Variants in KIN observed in about 807,000 individuals in gnomAD.
The protein encoded by KIN is DNA/RNA-binding protein KIN17.
KIN carries 47 observed loss-of-function variants against 63.0 expected under a neutral mutation model. The ratio of observed to expected loss-of-function variants is 0.75; its 90% CI spans 0.59 to 0.95. The LOEUF is 0.95. Ranked by LOEUF, KIN falls within the 40% of genes least tolerant of loss-of-function variation. The pLI, the probability that KIN is intolerant of heterozygous loss-of-function variation, is 0.00. For missense variants in KIN, 408 were observed against 460.9 expected (o/e 0.89, Z 1.05); for synonymous variants, 160 against 157.7 (o/e 1.01, Z -0.11).
intron 6 of KIN, 50 bp downstream of exon 6, chr10:7,775,701 A>C (rs776926028): frequency 2.1e-5 from 21 of 986,788 alleles, no homozygotes; most frequent in Non-Finnish European, 3.0e-5. Context: ...AACAAAGCCA[A>C]TATAAAAGCA....
In KIN at chr10:7,752,087, T is replaced by G. The variant is rs1440497570; in HGVS notation, c.*3993A>C. The G allele has an allele frequency of 6.9e-6, 1 of 144,600 alleles. No homozygotes were observed. The highest frequency in any genetic ancestry group is 2.5e-5 in the African/African-American group (1 of 39,288). The allele number at this position is 144,600 out of a possible 1,614,324, so 9.0% of individuals were successfully genotyped here. A position where few individuals can be genotyped will look rare whatever the true frequency, so the allele number is the denominator to read the frequency against. ...AAAAAAAAAAAAAAAAAAGTAACGA[T>G]GAAAATCTTGGGGTGTTAAAAAAGA... is the stretch of plus-strand genomic sequence containing the variant. On this transcript the variant is annotated 3_prime_UTR_variant, in exon 13 of 13. Coordinates refer to ENST00000379562, the MANE Select transcript of KIN (RefSeq NM_012311.4).
At chr10:7,787,125 T>C (rs1304526820) in intron 1 of KIN, among the ~76,000 whole-genome samples, 1 of 152,212 alleles carries the variant, frequency 6.6e-6, no homozygotes, top group Non-Finnish European at 1.5e-5. Context: ...CTTGAGCCAC[T>C]CTATATATAC....
chr10:7,760,666 T>C (rs1335539183), intron 11 of KIN, among the ~76,000 whole-genome samples: 1 of 148,630 alleles, frequency 6.7e-6, no homozygotes, highest in Non-Finnish European at 1.5e-5. Context: ...TATCATACTA[T>C]ATTATTATAA....
intron 12 of KIN, among the ~76,000 whole-genome samples, chr10:7,758,491 G>A (rs1835375458): frequency 6.6e-6 from 1 of 152,186 alleles, no homozygotes; most frequent in African/African-American, 2.4e-5. Flanking sequence ...CTACAGTGCA[G>A]AAGGTGAGAA....
intron 4 of KIN, 104 bp downstream of exon 4, chr10:7,779,952 C>CA (rs1232412064): frequency 8.2e-7 from 1 of 1,223,336 alleles, no homozygotes; most frequent in African/African-American, 1.5e-5. Flanking sequence ...GATGAAAAAG[C>CA]AAAACACTGA....
chr10:7,779,111 AAC>A, intron 4 of KIN, 92 bp from the exon 5 acceptor site: 2 of 1,456,580 alleles, frequency 1.4e-6, no homozygotes, highest in South Asian at 2.5e-5. Flanking sequence ...TATTCATTCA[AAC>A]ACACACAAAT....
At chr10:7,783,407 T>C (rs932647260) in intron 1 of KIN, among the ~76,000 whole-genome samples, 1 of 151,968 alleles carries the variant, frequency 6.6e-6, no homozygotes, top group Non-Finnish European at 1.5e-5. Flanking sequence ...AGCAAAAGAG[T>C]GTTGTAGAAA....
Position 7,755,926 on chromosome 10 carries a change from A to G in KIN, c.*154T>C, listed in dbSNP as rs1835323690. 1 of 441,198 alleles carries G rather than the reference A, an allele frequency of 2.3e-6. No homozygotes were observed. Among genetic ancestry groups the G allele is most frequent in the Non-Finnish European group, 3.9e-6 (1 of 256,992 alleles). 27.3% of individuals were successfully genotyped at this position (441,198 alleles called of 1,614,324 possible). ...CATGAGACATAATTAAATTCTTCTC[A>G]AAGTTTAGCTGAACAACTATACAGT... On this transcript the variant is annotated 3_prime_UTR_variant, in exon 13 of 13. Transcript: ENST00000379562.
chr10:7,780,905 T>C (rs1835882635), intron 2 of KIN, among the ~76,000 whole-genome samples: 1 of 152,246 alleles, frequency 6.6e-6, no homozygotes, highest in Non-Finnish European at 1.5e-5. Context: ...GGGTCCTTCA[T>C]GAAGTCTGTT....
At chr10:7,767,717 G>C (rs1835577952) in intron 8 of KIN, among the ~76,000 whole-genome samples, 1 of 152,020 alleles carries the variant, frequency 6.6e-6, no homozygotes, top group Non-Finnish European at 1.5e-5. Flanking sequence ...AAATTAGCCA[G>C]GCATGGTGGC....
At chr10:7,768,169 T>G (rs1268808040) in intron 8 of KIN, among the ~76,000 whole-genome samples, 1 of 152,182 alleles carries the variant, frequency 6.6e-6, no homozygotes, top group East Asian at 1.9e-4. Context: ...TGGATAATCA[T>G]GTACTTCCAA....
intron 6 of KIN, 72 bp downstream of exon 6, chr10:7,775,679 A>G: frequency 1.4e-6 from 1 of 737,102 alleles, no homozygotes; most frequent in Non-Finnish European, 2.2e-6. Flanking sequence ...TATGTTGACA[A>G]GTTGCATTTT....
chr10:7,759,129 C>G (rs1835389983), intron 12 of KIN, among the ~76,000 whole-genome samples: 1 of 152,122 alleles, frequency 6.6e-6, no homozygotes, highest in Non-Finnish European at 1.5e-5. Flanking sequence ...TCTAAACTTT[C>G]ATTAAACTCT....
rs916133939 is a variant in KIN, at chr10:7,754,954, T to G, written c.*1126A>C. 6.6e-6 allele frequency: 1 copy of G among 151,912 alleles called. No homozygotes were observed. Among genetic ancestry groups the G allele is most frequent in the Non-Finnish European group, 1.5e-5 (1 of 68,000 alleles). The allele number at this position is 151,912 out of a possible 1,614,324, so 9.4% of individuals were successfully genotyped here. The stretch of plus-strand genomic sequence containing the variant: ...TTTCAAACTGTATGGTTAGGCAGGG[T>G]GCTGTGGCTCACACCTGCAATCCTA... On this transcript the variant is annotated 3_prime_UTR_variant, in exon 13 of 13. Transcript: ENST00000379562.
At chr10:7,771,903 AAAAAAAAAGAAAG>A (rs1354820018) in intron 7 of KIN, among the ~76,000 whole-genome samples, 2 of 151,934 alleles carry the variant, frequency 1.3e-5, no homozygotes, top group African/African-American at 4.8e-5. Context: ...CTCAAAAAAA[AAAAAAAAAGAAAG>A]AAAGAAAAAG....
intron 11 of KIN, among the ~76,000 whole-genome samples, chr10:7,760,547 T>C (rs560554792): frequency 6.6e-6 from 1 of 152,224 alleles, no homozygotes; most frequent in African/African-American, 2.4e-5. Context: ...GGTACAGTAG[T>C]CCCCCCTTAT....
intron 12 of KIN, among the ~76,000 whole-genome samples, chr10:7,758,352 G>A (rs1427027658): frequency 6.6e-6 from 1 of 152,182 alleles, no homozygotes; most frequent in Non-Finnish European, 1.5e-5. Flanking sequence ...TTACAGGCAT[G>A]AGCCACCATG....
At position 7,787,808 on chromosome 10, in the gene KIN, G is replaced by A. The variant is rs1337481507; in HGVS notation, c.114+12C>T. On this transcript the variant is annotated intron_variant, in intron 1 of 12. Transcript: ENST00000379562. ...CCTCCTGGGAAGACGGGGCCACTCC[G>A]GGCCCACTCACCTCGTCCCGGCACT... 2 of 1,593,154 alleles carry A rather than the reference G, an allele frequency of 1.3e-6. No individual in the cohort carries two copies. Among genetic ancestry groups the A allele is most frequent in the Admixed American group, 3.3e-5 (2 of 60,002 alleles).
At chr10:7,760,950 T>TAGCCAGACCAGAA (rs774208351) in intron 11 of KIN, among the ~76,000 whole-genome samples, 34 of 152,294 alleles carry the variant, frequency 2.2e-4, no homozygotes, top group Admixed American at 5.2e-4. Flanking sequence ...TGAGTGAAAG[T>TAGCCAGACCAGAA]AGCCAGACCA....
Sources: allele counts gnomAD v4.1 joint callset (sites outside exome capture counted in the v4.1 genomes callset), GRCh38; gene constraint gnomAD v4.1.1; transcripts MANE v1.5; gene names NCBI Gene and HGNC (gene_info 2026-07-23, HGNC 2026-07-21).